Variants in TOP2B observed in about 807,000 individuals in gnomAD.
The protein encoded by TOP2B is DNA topoisomerase 2-beta.
TOP2B carries 51 observed loss-of-function variants against 193.5 expected under a neutral mutation model. The ratio of observed to expected loss-of-function variants is 0.26; its 90% confidence interval spans 0.21 to 0.33. TOP2B has a LOEUF of 0.33. TOP2B is among the 10% of genes least tolerant of loss of function. TOP2B has a pLI of 1.00. For synonymous variants in TOP2B, 634 were observed against 635.7 expected, an observed-to-expected ratio of 1.00 and a Z score of 0.04; for missense variants, 1,378 against 1,909.3, an observed-to-expected ratio of 0.72 and a Z score of 5.19.
intron 33 of TOP2B, 49 bp downstream of exon 33, chr3:25,604,711 A>G: frequency 7.3e-7 from 1 of 1,368,696 alleles, no homozygotes; most frequent in Non-Finnish European, 1.0e-6. Context: ...TTCCTTTTAC[A>G]TTAACTATCT....
chr3:25,614,694 C>T (rs79885382), intron 27 of TOP2B, among the ~76,000 whole-genome samples: 2,377 of 151,588 alleles, frequency 0.016, 57 homozygotes, highest in African/African-American at 0.055. Context: ...ATTCATAATG[C>T]TACCATTAAT....
At chr3:25,660,852 A>G (rs891098670) in intron 1 of TOP2B, among the ~76,000 whole-genome samples, 1 of 152,184 alleles carries the variant, frequency 6.6e-6, no homozygotes, top group Non-Finnish European at 1.5e-5. Flanking sequence ...GAAAACTACA[A>G]TGTTATTTGT....
chr3:25,664,564 CCGGCGGCGGCCGAG>C lies in TOP2B; in HGVS notation c.-281_-268del. ...CGGCTGAGGAGAAAGCAGGGAGCGACCGGCGGCGGCCGAGCGGCGGCGTTGCCTTCTCGCCCGCC... is the reference window on the plus strand; with the variant it reads ...CGGCTGAGGAGAAAGCAGGGAGCGACCGGCGGCGTTGCCTTCTCGCCCGCC... On this transcript the variant is annotated 5_prime_UTR_variant, in exon 1 of 36. Coordinates refer to ENST00000264331, the MANE Select transcript of TOP2B (RefSeq NM_001330700.2). 1 of 1,070,488 alleles carries C rather than the reference CCGGCGGCGGCCGAG, an allele frequency of 9.3e-7. No individual in the cohort carries two copies. Among genetic ancestry groups the C allele is most frequent in the South Asian group, 4.5e-5 (1 of 22,086 alleles). The allele number at this position is 1,070,488 out of a possible 1,614,324, so 66.3% of individuals were successfully genotyped here.
At chr3:25,649,115 T>C (rs1703506411) in intron 1 of TOP2B, among the ~76,000 whole-genome samples, 1 of 152,198 alleles carries the variant, frequency 6.6e-6, no homozygotes, top group Non-Finnish European at 1.5e-5. Flanking sequence ...ACTAGAGGGA[T>C]GTAACAGTAG....
intron 5 of TOP2B, among the ~76,000 whole-genome samples, chr3:25,637,772 C>T (rs1025616714): frequency 6.6e-6 from 1 of 151,968 alleles, no homozygotes; most frequent in Non-Finnish European, 1.5e-5. Flanking sequence ...TTGGTCAAAG[C>T]ACTTTCAACT....
intron 3 of TOP2B, 35 bp downstream of exon 3, chr3:25,643,642 CACTATGATGATATTAAT>C: frequency 1.5e-6 from 2 of 1,336,222 alleles, no homozygotes; most frequent in South Asian, 2.4e-5. Context: ...TATAAAAGGA[CACTATGATGATATTAAT>C]AGAAACATGC....
Position 25,632,504 on chromosome 3 carries a change from G to A in TOP2B, c.1208C>T (p.Thr403Ile), listed in dbSNP as rs1702990418. 6.3e-7 allele frequency: 1 copy of A among 1,587,634 alleles called. No homozygotes were observed. ...AGACCCAAAACTTTTGGGCTGCAGA[G>A]TCATGTTTTCCTTAGTCTGAGAATC... Reference protein sequence around the residue: ...TFDSQTKENMTLQPKSFGSKC... With the variant: ...TFDSQTKENMILQPKSFGSKC... The change falls in exon 10 of 36, where the codon ACT (threonine) becomes ATT (isoleucine). Residue 403 changes from threonine (T) to isoleucine (I), a missense_variant. Around this residue, in one of 9 missense-constraint regions of TOP2B, gnomAD observed 222 missense variants for 306.6 expected, o/e 0.72. Coordinates refer to ENST00000264331, the MANE Select transcript of TOP2B (RefSeq NM_001330700.2).
Position 25,624,669 on chromosome 3 carries a change from T to A in TOP2B, c.2346+13A>T. On this transcript the variant is annotated intron_variant, in intron 19 of 35. Transcript: ENST00000264331. The stretch of plus-strand genomic sequence containing the variant: ...AATTACAGTTCTCAATTGATTCCAA[T>A]CTTAATGCTTACTTCTCCATGATGA... The A allele has an allele frequency of 6.2e-7, 1 of 1,612,634 alleles. No homozygotes were observed. Among genetic ancestry groups the A allele is most frequent in the East Asian group, 2.2e-5 (1 of 44,854 alleles).
chr3:25,638,089 A>G (rs1703153195), intron 5 of TOP2B, 76 bp downstream of exon 5: 1 of 1,333,962 alleles, frequency 7.5e-7, no homozygotes. Flanking sequence ...CCAAAACTGC[A>G]CAATTTCCTT....
chr3:25,629,894 G>GT (rs1702909952), intron 13 of TOP2B, 135 bp downstream of exon 13: 4 of 949,676 alleles, frequency 4.2e-6, no homozygotes, highest in African/African-American at 1.7e-5. Flanking sequence ...AAATGACGTG[G>GT]TTTTTTCATT....
chr3:25,664,231 C>T lies in TOP2B; in HGVS notation c.67G>A (p.Val23Met), dbSNP rs913543039. ...CGTCCCGGGGACCAGCCACTTACCA[C>T]CCAGGTCAGTGCCCCGTTGCCGCCG... Reference protein sequence around the residue: ...VGGGNGALTWVTLFDQNNAAK... With the variant: ...VGGGNGALTWMTLFDQNNAAK... The change falls in exon 1 of 36, where the codon GTG (valine) becomes ATG (methionine). Residue 23 changes from valine to methionine, a missense_variant and splice_region_variant. Physicochemically the swap from Val to Met is conservative, Grantham distance 21. This residue lies in a region of TOP2B where 83 missense variants were observed against 59.3 expected (regional missense o/e 1.40). Coordinates refer to ENST00000264331, the MANE Select transcript of TOP2B (RefSeq NM_001330700.2). The T allele has an allele frequency of 1.4e-5, 22 of 1,539,612 alleles. No homozygotes were observed. Among genetic ancestry groups the T allele is most frequent in the Non-Finnish European group, 8.7e-7 (1 of 1,146,224 alleles).
chr3:25,637,070 A>G (rs1703125011), intron 6 of TOP2B, 145 bp downstream of exon 6: 1 of 644,704 alleles, frequency 1.6e-6, no homozygotes, highest in African/African-American at 1.9e-5. Context: ...ATGTCTCTTT[A>G]CTCTGATGAT....
rs142717862 is a variant in TOP2B, at chr3:25,600,675, G to T, written c.4615+425C>A. 3.3e-5 allele frequency among the ~76,000 whole-genome samples: 5 copies of T among 152,298 alleles called. No homozygotes were observed. The East Asian group carries it at 9.7e-4, about 29-fold the overall frequency. On this transcript the variant is annotated intron_variant, in intron 34 of 35. Transcript: ENST00000264331. ...TAAAGAGGGGATGCCATGGAGAACT[G>T]GTGCTGTTCCTTGTGTGGCCCTGAA...
intron 28 of TOP2B, among the ~76,000 whole-genome samples, chr3:25,611,223 G>A (rs1395541450): frequency 6.6e-6 from 1 of 152,162 alleles, no homozygotes; most frequent in Non-Finnish European, 1.5e-5. Flanking sequence ...GTAGAGAAAA[G>A]AATGCTGAGA....
chr3:25,655,000 T>C (rs1703704510), intron 1 of TOP2B, among the ~76,000 whole-genome samples: 1 of 152,176 alleles, frequency 6.6e-6, no homozygotes, highest in Non-Finnish European at 1.5e-5. Context: ...GATTTGGCAA[T>C]GATTTCATGG....
intron 30 of TOP2B, 69 bp from the exon 31 acceptor site, chr3:25,607,444 G>A (rs2125348750): frequency 6.8e-7 from 1 of 1,464,024 alleles, no homozygotes; most frequent in Non-Finnish European, 9.2e-7. Context: ...TATTATTACT[G>A]ATAAAGCATT....
chr3:25,598,602 G>GAATC, intron 35 of TOP2B, 125 bp from the exon 36 acceptor site: 1 of 691,310 alleles, frequency 1.4e-6, no homozygotes, highest in Non-Finnish European at 2.1e-6. Flanking sequence ...TTTAAAATTA[G>GAATC]AATCATAATG....
In TOP2B at chr3:25,628,985, C is replaced by G. The variant is rs746926506; in HGVS notation, c.1801-33G>C. Reference sequence around the variant, plus strand: ...TAATTAAAAAACAAAATTAGTTTTTCTGCTACCCTTTAAGACAACAATATA... The same window carrying G: ...TAATTAAAAAACAAAATTAGTTTTTGTGCTACCCTTTAAGACAACAATATA... On this transcript the variant is annotated intron_variant, in intron 14 of 35. Coordinates refer to ENST00000264331, the MANE Select transcript of TOP2B (RefSeq NM_001330700.2). 3.2e-6 allele frequency: 5 copies of G among 1,580,376 alleles called. No individual in the cohort carries two copies. In the African/African-American group the frequency reaches 6.8e-5, roughly 22 times the overall value.
At chr3:25,661,667 A>T (rs1404149480) in intron 1 of TOP2B, among the ~76,000 whole-genome samples, 2 of 152,252 alleles carry the variant, frequency 1.3e-5, no homozygotes, top group Non-Finnish European at 2.9e-5. Flanking sequence ...AATTATAAAA[A>T]ATTCTGGTTG....
Sources: gnomAD v4.1 joint callset for allele counts (sites outside exome capture counted in the v4.1 genomes callset) on GRCh38, gnomAD v4.1.1 for gene constraint, gnomAD v4.1.1 regional missense constraint, MANE v1.5 for transcripts, NCBI Gene and HGNC (gene_info 2026-07-23, HGNC 2026-07-21) for gene names.